TBC1D22A: variants seen among roughly 807,000 people sequenced by gnomAD.
TBC1D22A encodes TBC1 domain family member 22A.
Under a neutral mutation model 60.2 loss-of-function variants are expected in TBC1D22A, and 38 were observed. The observed-to-expected ratio is 0.63, with a 90% CI of 0.49 to 0.83. The LOEUF is 0.83. TBC1D22A is among the 40% of genes least tolerant of loss of function. TBC1D22A has a pLI of 0.00. For missense variants in TBC1D22A, 628 were observed against 701.0 expected (o/e 0.90, Z 1.18); for synonymous variants, 302 against 281.7 (o/e 1.07, Z -0.72).
At chr22:47,124,713 C>CG (rs373368550) in intron 12 of TBC1D22A, among the ~76,000 whole-genome samples, 1 of 151,772 alleles carries the variant, frequency 6.6e-6, no homozygotes, top group Non-Finnish European at 1.5e-5. Flanking sequence ...GGGGGACAGA[C>CG]GGGGGGCTTC....
chr22:47,041,533 C>G (rs1469928700), intron 11 of TBC1D22A, among the ~76,000 whole-genome samples: 1 of 152,212 alleles, frequency 6.6e-6, no homozygotes, highest in Non-Finnish European at 1.5e-5. Flanking sequence ...TACTGGTCAC[C>G]AAACAGATCT....
chr22:46,764,445 ACT>A (rs1257661894), intron 1 of TBC1D22A, among the ~76,000 whole-genome samples: 1 of 152,048 alleles, frequency 6.6e-6, no homozygotes, highest in African/African-American at 2.4e-5. Context: ...ATCAGTCTAA[ACT>A]CTAATTCTTA....
At chr22:47,135,336 A>T (rs1462173144) in intron 12 of TBC1D22A, among the ~76,000 whole-genome samples, 1 of 152,128 alleles carries the variant, frequency 6.6e-6, no homozygotes, top group Non-Finnish European at 1.5e-5. Flanking sequence ...TGTATCAAGC[A>T]CGGGTCCTGG....
At chr22:46,800,154 C>T (rs1354642550) in intron 4 of TBC1D22A, among the ~76,000 whole-genome samples, 3 of 152,182 alleles carry the variant, frequency 2.0e-5, no homozygotes, top group African/African-American at 7.2e-5. Context: ...ACTGCACCAG[C>T]CCCTGCGGTT....
At chr22:46,806,963 G>GCTT (rs1368322822) in intron 4 of TBC1D22A, among the ~76,000 whole-genome samples, 1 of 152,250 alleles carries the variant, frequency 6.6e-6, no homozygotes, top group Non-Finnish European at 1.5e-5. Context: ...AGCCAATAGG[G>GCTT]CTTTGCTCCT....
chr22:46,811,574 G>A (rs1039030504), intron 4 of TBC1D22A, among the ~76,000 whole-genome samples: 2 of 152,212 alleles, frequency 1.3e-5, no homozygotes, highest in African/African-American at 4.8e-5. Context: ...ACAGTCACAA[G>A]CAACGGTCAC....
chr22:47,041,859 C>T (rs2062854789), intron 11 of TBC1D22A, among the ~76,000 whole-genome samples: 1 of 152,238 alleles, frequency 6.6e-6, no homozygotes, highest in South Asian at 2.1e-4. Flanking sequence ...CAGACGTGGA[C>T]AGCGGGCGTG....
At chr22:46,913,790 T>C (rs2070139356) in intron 8 of TBC1D22A, 2 of 982,878 alleles carry the variant, frequency 2.0e-6, no homozygotes, top group South Asian at 9.4e-5. Flanking sequence ...TTGTTTTAAC[T>C]ACTTTACCGC....
At chr22:46,823,859 G>A (rs1405399450) in intron 4 of TBC1D22A, among the ~76,000 whole-genome samples, 1 of 152,186 alleles carries the variant, frequency 6.6e-6, no homozygotes, top group Non-Finnish European at 1.5e-5. Context: ...AGCAGGTGCT[G>A]CACACGCACA....
At chr22:46,966,545 C>T (rs1200131010) in intron 8 of TBC1D22A, among the ~76,000 whole-genome samples, 1 of 152,220 alleles carries the variant, frequency 6.6e-6, no homozygotes, top group East Asian at 1.9e-4. Flanking sequence ...AACCACAACT[C>T]CTACTCACAG....
intron 4 of TBC1D22A, among the ~76,000 whole-genome samples, chr22:46,819,969 G>A (rs2085758643): frequency 6.6e-6 from 1 of 152,010 alleles, no homozygotes; most frequent in South Asian, 2.1e-4. Context: ...GTCTAGTTAG[G>A]GTATATGCAT....
intron 12 of TBC1D22A, among the ~76,000 whole-genome samples, chr22:47,146,785 C>G (rs952357288): frequency 2.6e-5 from 4 of 152,196 alleles, no homozygotes; most frequent in Non-Finnish European, 5.9e-5. Flanking sequence ...GACGCCAGGG[C>G]TGGGGGATCT....
intron 4 of TBC1D22A, among the ~76,000 whole-genome samples, chr22:46,858,213 C>T (rs1402761483): frequency 6.6e-6 from 1 of 152,194 alleles, no homozygotes; most frequent in African/African-American, 2.4e-5. Flanking sequence ...TTTGAGCTCC[C>T]GGATGGCTCT....
At chr22:47,098,388 C>A (rs1160178220) in intron 11 of TBC1D22A, among the ~76,000 whole-genome samples, 1 of 152,192 alleles carries the variant, frequency 6.6e-6, no homozygotes, top group Admixed American at 6.5e-5. Context: ...ACAGCCCTGA[C>A]CTCACTTATG....
At chr22:47,167,483 C>T (rs2068252994) in intron 12 of TBC1D22A, among the ~76,000 whole-genome samples, 1 of 152,196 alleles carries the variant, frequency 6.6e-6, no homozygotes, top group South Asian at 2.1e-4. Context: ...CTCTTTTACT[C>T]CTGCCGCCCA....
rs1347403884 is a variant in TBC1D22A at position 46,911,062 on chromosome 22, G to T, written c.901-1012G>T. On this transcript the variant is annotated intron_variant, in intron 7 of 12. Transcript: ENST00000337137. ...CCGTGGGAGGTGAGGAGCATGCAGA[G>T]GTCTTCAGCCAGGTGTGCACATGTG... Among the ~76,000 whole-genome samples, 3 of 152,094 alleles carry T rather than the reference G, an allele frequency of 2.0e-5. No homozygotes were observed. In the East Asian group the frequency reaches 5.8e-4, roughly 29 times the overall value.
intron 7 of TBC1D22A, among the ~76,000 whole-genome samples, chr22:46,896,097 G>A (rs2156926): frequency 0.58 from 87,674 of 151,666 alleles, 27,547 homozygotes; most frequent in Middle Eastern, 0.78. Context: ...CCTCACGTTT[G>A]TTTCTCTGGT....
chr22:46,860,476 T>C (rs371921091), intron 4 of TBC1D22A, among the ~76,000 whole-genome samples: 8 of 80,680 alleles, frequency 9.9e-5, no homozygotes, highest in South Asian at 4.5e-4. Flanking sequence ...CGCGCAGTGC[T>C]GTGCCCCTTC....
intron 1 of TBC1D22A, among the ~76,000 whole-genome samples, chr22:46,780,538 A>T (rs1447270668): frequency 1.3e-5 from 2 of 152,200 alleles, no homozygotes; most frequent in Non-Finnish European, 2.9e-5. Flanking sequence ...ATTCTGCAGG[A>T]TCTGCCAGGG....
Sources: allele counts gnomAD v4.1 joint callset (sites outside exome capture counted in the v4.1 genomes callset), GRCh38; gene constraint gnomAD v4.1.1; transcripts MANE v1.5; gene names NCBI Gene and HGNC (gene_info 2026-07-23, HGNC 2026-07-21).